BTNL2: variants seen among roughly 807,000 people sequenced by gnomAD.
BTNL2 encodes butyrophilin-like protein 2.
Under a neutral mutation model 46.8 loss-of-function variants are expected in BTNL2, and 46 were observed. That is an observed-to-expected ratio of 0.98 (90% CI 0.78 to 1.26). The LOEUF is 1.26. Among genes scored for constraint, BTNL2 ranks in the 50% most tolerant of loss-of-function variants. The probability of loss-of-function intolerance (pLI) is 0.00; values close to 1 mark genes in which losing one functional copy is unlikely to be tolerated. For missense variants in BTNL2, 461 were observed against 592.6 expected, an observed-to-expected ratio of 0.78 and a Z score of 2.31; for synonymous variants, 226 against 229.1, an observed-to-expected ratio of 0.99 and a Z score of 0.12.
In BTNL2 at chr6:32,399,898, G is replaced by A. The variant is rs1776647948; in HGVS notation, c.730+1887C>T. On this transcript the variant is annotated intron_variant, in intron 4 of 7. Coordinates refer to ENST00000454136, the MANE Select transcript of BTNL2 (RefSeq NM_001304561.2). The surrounding 1 kb of genome is among the most constrained non-coding windows in gnomAD (Gnocchi z 5.2). ...TAGAGCTCACCTGCAAAGCTTCCGT[G>A]CCCAGAGCCCTCCTCTCCCACCTGA... Among the ~76,000 whole-genome samples the A allele has an allele frequency of 1.3e-5, 2 of 152,150 alleles. No individual in the cohort carries two copies. Among genetic ancestry groups the A allele is most frequent in the African/African-American group, 4.8e-5 (2 of 41,430 alleles).
In BTNL2 at chr6:32,396,175, C is replaced by T; in HGVS notation, c.942G>A (p.Leu314=). 1 of 1,613,092 alleles carries T rather than the reference C, an allele frequency of 6.2e-7. No homozygotes were observed. The highest frequency in any genetic ancestry group is 1.1e-5 in the South Asian group (1 of 91,086). The change falls in exon 5 of 8, where the codon CTG becomes CTA. Residue 314 remains leucine (L), a synonymous_variant. Transcript: ENST00000454136. The surrounding 1 kb of genome is among the most constrained non-coding windows in gnomAD (Gnocchi z 4.4). ...TGCCCTCGTCAATGGCGTCACTCAC[C>T]AGTACAGTCCTCCCTCTGTACTCTG... ...QMAEYRGRTV[L]VSDAIDEGRL... is the part of the protein sequence containing the mutation.
chr6:32,393,993 T>C lies in BTNL2; in HGVS notation c.1425A>G (p.Val475=). The part of the protein sequence containing the change: ...LVWGLLLAVA[V]GLPRKRS The stretch of plus-strand genomic sequence containing the variant: ...TTCAGCTCCTCTTCCTGGGCAGGCC[T>C]ACAGCCACAGCAAGAAGCAATCCCC... The change falls in exon 7 of 8, where the codon GTA becomes GTG. Residue 475 remains valine (V), a synonymous_variant. Coordinates refer to ENST00000454136, the MANE Select transcript of BTNL2 (RefSeq NM_001304561.2). The surrounding 1 kb of genome is among the most constrained non-coding windows in gnomAD (Gnocchi z 4.8). 6.5e-7 allele frequency: 1 copy of C among 1,550,196 alleles called. No individual in the cohort carries two copies. The highest frequency in any genetic ancestry group is 8.7e-7 in the Non-Finnish European group (1 of 1,146,730).
rs970074432 is a variant in BTNL2, at chr6:32,394,750, G to A, written c.1354C>T (p.Leu452Phe). ...AACATAAGGAATCACCAACCTGAGA[G>A]AGAAAAAGTTGCGATTTTCTCCTCG... The part of the protein sequence containing the change: ...LGEEKIATFS[L>F]SESRMTFLWK... The change falls in exon 6 of 8, where the codon CTC becomes TTC. Residue 452 changes from leucine to phenylalanine, a missense_variant. Physicochemically the swap from Leu to Phe is conservative, Grantham distance 22 (BLOSUM62 0). Coordinates refer to ENST00000454136, the MANE Select transcript of BTNL2 (RefSeq NM_001304561.2). The surrounding 1 kb of genome is among the most constrained non-coding windows in gnomAD (Gnocchi z 4.6). 2 of 1,611,702 alleles carry A rather than the reference G, an allele frequency of 1.2e-6. No individual in the cohort carries two copies. Among genetic ancestry groups the A allele is most frequent in the African/African-American group, 2.7e-5 (2 of 74,900 alleles).
At chr6:32,401,878 A>C (rs543456668) in intron 3 of BTNL2, 73 bp from the exon 4 acceptor site, 3 of 1,397,292 alleles carry the variant, frequency 2.1e-6, no homozygotes, top group Non-Finnish European at 3.0e-6. Context: ...TTTTTAAAAA[A>C]GAAAGCAATT....
chr6:32,406,983 T>C, intron 1 of BTNL2, 62 bp downstream of exon 1: 8 of 1,506,376 alleles, frequency 5.3e-6, no homozygotes, highest in East Asian at 4.5e-5. Context: ...TTCTCGACCT[T>C]TGGACCCAGA....
chr6:32,400,760 A>AAAAAAAAAAAAC lies in BTNL2; in HGVS notation c.730+1024_730+1025insGTTTTTTTTTTT, dbSNP rs1390075841. Among the ~76,000 whole-genome samples the AAAAAAAAAAAAC allele has an allele frequency of 4.4e-4, 51 of 115,884 alleles. 1 individual carries two copies. The highest frequency in any genetic ancestry group is 8.4e-3 in the Middle Eastern group (2 of 238). 76.0% of individuals were successfully genotyped at this position (115,884 alleles called of 152,430 possible). ...CCGTCTCTACTAAAAAAAAAAAAAAAAAATTAGCTGGGTGTGGTGGCGCAT... is the reference window on the plus strand; with the variant it reads ...CCGTCTCTACTAAAAAAAAAAAAAAAAAAAAAAAAAACAAATTAGCTGGGTGTGGTGGCGCAT... On this transcript the variant is annotated intron_variant, in intron 4 of 7. Coordinates refer to ENST00000454136, the MANE Select transcript of BTNL2 (RefSeq NM_001304561.2).
rs149350333 is a variant in BTNL2 at position 32,402,719 on chromosome 6, A to G, written c.709+216T>C. Among the ~76,000 whole-genome samples the G allele has an allele frequency of 2.0e-5, 3 of 152,378 alleles. No individual in the cohort carries two copies. The East Asian group carries it at 5.8e-4, about 29-fold the overall frequency. On this transcript the variant is annotated intron_variant, in intron 3 of 7. Coordinates refer to ENST00000454136, the MANE Select transcript of BTNL2 (RefSeq NM_001304561.2). Reference sequence around the variant, plus strand: ...GAGTAAAAACAATCAATGCAGAAGAAGGAAAGGTAGAACTCAAAAATAACG... The same window carrying G: ...GAGTAAAAACAATCAATGCAGAAGAGGGAAAGGTAGAACTCAAAAATAACG...
Position 32,394,605 on chromosome 6 carries a change from C to T in BTNL2, c.1360+139G>A. 1 of 1,018,580 alleles carries T rather than the reference C, an allele frequency of 9.8e-7. No individual in the cohort carries two copies. Among genetic ancestry groups the T allele is most frequent in the South Asian group, 1.8e-5 (1 of 55,722 alleles). The allele number at this position is 1,018,580 out of a possible 1,614,324, so 63.1% of individuals were successfully genotyped here. On this transcript the variant is annotated intron_variant, in intron 6 of 7. Coordinates refer to ENST00000454136, the MANE Select transcript of BTNL2 (RefSeq NM_001304561.2). This position sits in a 1 kb window ranked among gnomAD's most constrained non-coding sequence, Gnocchi z 4.6. Reference sequence around the variant, plus strand: ...AATCCCTGGGTGTCCTGAAAACCAGCTTTGCAGAGGATAGCAGGAGACCTC... The same window carrying T: ...AATCCCTGGGTGTCCTGAAAACCAGTTTTGCAGAGGATAGCAGGAGACCTC...
intron 3 of BTNL2, 78 bp from the exon 4 acceptor site, chr6:32,401,883 G>C (rs1348997126): frequency 1.5e-6 from 2 of 1,322,772 alleles, no homozygotes; most frequent in Non-Finnish European, 2.1e-6. Context: ...AAAAAAGAAA[G>C]CAATTTATAC....
rs750823094 is a variant in BTNL2 at position 32,396,507 on chromosome 6, C to CG, written c.731-122_731-121insC. On this transcript the variant is annotated intron_variant, in intron 4 of 7. Transcript: ENST00000454136. This position sits in a 1 kb window ranked among gnomAD's most constrained non-coding sequence, Gnocchi z 4.4. ...AGCATCCCAGGGTTGCTGTGAGGCT[C>CG]AGGGTCATCCTTAGGTGAGGTGGGG... 2.1e-6 allele frequency: 2 copies of CG among 967,656 alleles called. No individual in the cohort carries two copies. Among genetic ancestry groups the CG allele is most frequent in the South Asian group, 1.4e-5 (1 of 71,038 alleles). The allele number at this position is 967,656 out of a possible 1,614,324, so 59.9% of individuals were successfully genotyped here.
At chr6:32,402,152 C>T (rs944542172) in intron 3 of BTNL2, among the ~76,000 whole-genome samples, 8 of 151,790 alleles carry the variant, frequency 5.3e-5, no homozygotes, top group Non-Finnish European at 7.4e-5. Context: ...ACAGTATCAC[C>T]TAAATTACAA....
chr6:32,398,665 A>T (rs1373528727), intron 4 of BTNL2, among the ~76,000 whole-genome samples: 1 of 152,166 alleles, frequency 6.6e-6, no homozygotes, highest in African/African-American at 2.4e-5. Context: ...CACATATTAG[A>T]TCTTAAACTG....
chr6:32,402,901 C>G (rs971974777), intron 3 of BTNL2, 34 bp downstream of exon 3: 2 of 1,601,420 alleles, frequency 1.2e-6, no homozygotes, highest in Non-Finnish European at 1.7e-6. Flanking sequence ...TCCTGCTGAT[C>G]TGAGCATGTG....
intron 2 of BTNL2, 48 bp downstream of exon 2, chr6:32,404,891 A>G: frequency 6.5e-7 from 1 of 1,534,644 alleles, no homozygotes; most frequent in Non-Finnish European, 9.0e-7. Context: ...ACCACAAATT[A>G]ATATATCTCT....
rs1314093322 is a variant in BTNL2, at chr6:32,396,308, G to A, written c.809C>T (p.Ser270Phe). The change falls in exon 5 of 8, where the codon TCC (serine) becomes TTC (phenylalanine). Residue 270 changes from serine (S) to phenylalanine (F), a missense_variant. Transcript: ENST00000454136. The surrounding 1 kb of genome is among the most constrained non-coding windows in gnomAD (Gnocchi z 4.4). ...CATGCTCTGTGCATTCGCCTTGGGG[G>A]ACAGGTAACAGGTTAGCTGTATATC... ...GEDIQLTCYL[S>F]PKANAQSMEV... 2.5e-6 allele frequency: 4 copies of A among 1,612,760 alleles called. No individual in the cohort carries two copies. In the African/African-American group the frequency reaches 5.3e-5, roughly 22 times the overall value.
In BTNL2 at chr6:32,394,358, T is replaced by C. The variant is rs1314581449; in HGVS notation, c.1361-301A>G. On this transcript the variant is annotated intron_variant, in intron 6 of 7. Coordinates refer to ENST00000454136, the MANE Select transcript of BTNL2 (RefSeq NM_001304561.2). The surrounding 1 kb of genome is among the most constrained non-coding windows in gnomAD (Gnocchi z 4.6). ...GATAAAATTACTCAAGCCGCAACCA[T>C]GAAGATGGTATTAATAAAAATCAGT... is the stretch of plus-strand genomic sequence containing the variant. Among the ~76,000 whole-genome samples the C allele has an allele frequency of 6.6e-6, 1 of 152,162 alleles. No homozygotes were observed. The highest frequency in any genetic ancestry group is 1.5e-5 in the Non-Finnish European group (1 of 68,028).
rs747097788 is a variant in BTNL2, at chr6:32,404,973, G to A, written c.393C>T (p.Tyr131=). The change falls in exon 2 of 8, where the codon TAC becomes TAT. Residue 131 remains tyrosine, a synonymous_variant. Transcript: ENST00000454136. The part of the protein sequence containing the change: ...QYWCHFQDGN[Y]CGETSLLLKV... ...TGAGCAGCAAGCTTGTTTCTCCACA[G>A]TAGTTCCCATCCTGGAAATGGCACC... The A allele has an allele frequency of 1.2e-6, 2 of 1,612,972 alleles. No individual in the cohort carries two copies. The highest frequency in any genetic ancestry group is 1.7e-6 in the Non-Finnish European group (2 of 1,180,048).
Position 32,396,407 on chromosome 6 carries a change from A to G in BTNL2, c.731-21T>C. On this transcript the variant is annotated intron_variant, in intron 4 of 7. Coordinates refer to ENST00000454136, the MANE Select transcript of BTNL2 (RefSeq NM_001304561.2). The surrounding 1 kb of genome is among the most constrained non-coding windows in gnomAD (Gnocchi z 4.4). ...AGAAGCTGTTAAATAGAGTGGACAA[A>G]ACACAATGAAAGAATCAAAATGGAA... is the stretch of plus-strand genomic sequence containing the variant. 1 of 1,590,626 alleles carries G rather than the reference A, an allele frequency of 6.3e-7. No individual in the cohort carries two copies. The highest frequency in any genetic ancestry group is 8.6e-7 in the Non-Finnish European group (1 of 1,163,126).
chr6:32,398,309 T>C (rs1314992691), intron 4 of BTNL2, among the ~76,000 whole-genome samples: 2 of 152,246 alleles, frequency 1.3e-5, no homozygotes, highest in Non-Finnish European at 2.9e-5. Context: ...CATCCCATTA[T>C]GTCATTGGCC....
Sources: gnomAD v4.1 joint callset for allele counts (sites outside exome capture counted in the v4.1 genomes callset) on GRCh38, gnomAD v4.1.1 for gene constraint, Gnocchi (gnomAD v3.1) non-coding constraint, MANE v1.5 for transcripts, NCBI Gene and HGNC (gene_info 2026-07-23, HGNC 2026-07-21) for gene names.